EPS15L1: variants seen among roughly 807,000 people sequenced by gnomAD.
The protein encoded by EPS15L1 is epidermal growth factor receptor pathway substrate 15 like 1, also known as epidermal growth factor receptor substrate 15-like 1.
A neutral mutation model predicts 117.1 loss-of-function variants in EPS15L1; 43 were observed. The ratio of observed to expected loss-of-function variants is 0.37; its 90% CI spans 0.29 to 0.47. The LOEUF is 0.47. Among genes scored for constraint, EPS15L1 ranks in the 20% least tolerant of loss-of-function variants. The probability of loss-of-function intolerance (pLI) is 0.99; values close to 1 mark genes in which losing one functional copy is unlikely to be tolerated. For missense variants in EPS15L1, 981 were observed against 1,164.0 expected (o/e 0.84, Z 2.29); for synonymous variants, 459 against 470.5 (o/e 0.98, Z 0.32).
At position 16,377,171 on chromosome 19, in the gene EPS15L1, A is replaced by C. The variant is rs749139966; in HGVS notation, c.2331T>G (p.Pro777=). The change falls in exon 22 of 24, where the codon CCT becomes CCG. Residue 777 remains proline, a synonymous_variant. Coordinates refer to ENST00000455140, the MANE Select transcript of EPS15L1 (RefSeq NM_001258374.3). The stretch of plus-strand genomic sequence containing the variant: ...GAGCAGGTTTCTTCGGAGGCAGAGC[A>C]GGAGTGTCCTGTTTACTTTTAAAGG... ...DDPFKSKQDT[P]ALPPKKPAPP... is the part of the protein sequence containing the mutation. 6.2e-7 allele frequency: 1 copy of C among 1,611,746 alleles called. No homozygotes were observed. The highest frequency in any genetic ancestry group is 1.1e-5 in the South Asian group (1 of 90,686).
At chr19:16,427,964 G>A (rs2092888833) in intron 8 of EPS15L1, among the ~76,000 whole-genome samples, 1 of 151,686 alleles carries the variant, frequency 6.6e-6, no homozygotes, top group African/African-American at 2.4e-5. Context: ...AGCACTTTGG[G>A]AGGCCAAGGC....
rs530299524 is a variant in EPS15L1 at position 16,393,826 on chromosome 19, G to A, written c.1966+125C>T. The stretch of plus-strand genomic sequence containing the variant: ...GAGAATGGGTACAACATGGATGGAC[G>A]GCCGTCCTTCCCAGTTACATGGCTG... On this transcript the variant is annotated intron_variant, in intron 18 of 23. Transcript: ENST00000455140. 1.1e-4 allele frequency: 108 copies of A among 976,094 alleles called. 1 individual carries two copies. The highest frequency in any genetic ancestry group is 3.8e-4 in the Admixed American group (21 of 55,752). The allele number at this position is 976,094 out of a possible 1,614,324, so 60.5% of individuals were successfully genotyped here.
intron 21 of EPS15L1, among the ~76,000 whole-genome samples, chr19:16,379,061 T>C (rs1215695207): frequency 6.6e-6 from 1 of 152,144 alleles, no homozygotes; most frequent in East Asian, 1.9e-4. Context: ...CCCAGCACTT[T>C]GGGAGGCCGA....
intron 9 of EPS15L1, among the ~76,000 whole-genome samples, chr19:16,424,158 T>G (rs1298490605): frequency 1.3e-5 from 2 of 152,204 alleles, no homozygotes; most frequent in African/African-American, 2.4e-5. Context: ...AAACCTGGCA[T>G]GAGGGCAAAA....
intron 10 of EPS15L1, among the ~76,000 whole-genome samples, chr19:16,420,971 C>T (rs2092808120): frequency 6.6e-6 from 1 of 152,258 alleles, no homozygotes; most frequent in South Asian, 2.1e-4. Context: ...GCTGCCCGCA[C>T]CTCCCGGAGG....
chr19:16,366,632 A>G (rs1316353074), intron 22 of EPS15L1, among the ~76,000 whole-genome samples: 1 of 152,206 alleles, frequency 6.6e-6, no homozygotes. Flanking sequence ...TGTTTTCAGA[A>G]GGAACATCAA....
intron 1 of EPS15L1, among the ~76,000 whole-genome samples, chr19:16,456,758 CATG>C (rs1471518992): frequency 6.6e-6 from 1 of 152,120 alleles, no homozygotes; most frequent in African/African-American, 2.4e-5. Context: ...CAGGGGACCG[CATG>C]ATATGACTGC....
chr19:16,415,196 G>A (rs752288809), intron 12 of EPS15L1, among the ~76,000 whole-genome samples: 2 of 152,156 alleles, frequency 1.3e-5, no homozygotes, highest in Admixed American at 1.3e-4. Flanking sequence ...GTGAGGACAC[G>A]GCAAGAAGGT....
intron 21 of EPS15L1, among the ~76,000 whole-genome samples, chr19:16,380,878 G>T (rs1300193696): frequency 6.6e-6 from 1 of 152,224 alleles, no homozygotes; most frequent in African/African-American, 2.4e-5. Context: ...GAGATGCATC[G>T]ATCTGGGCTA....
rs975388849 is a variant in EPS15L1, at chr19:16,383,023, A to G, written c.2247+2106T>C. The G allele has an allele frequency of 2.6e-4, 39 of 152,226 alleles. No individual in the cohort carries two copies. The highest frequency in any genetic ancestry group is 8.9e-4 in the African/African-American group (37 of 41,512). The allele number at this position is 152,226 out of a possible 1,614,324, so 9.4% of individuals were successfully genotyped here. On this transcript the variant is annotated intron_variant, in intron 21 of 23. Transcript: ENST00000455140. The surrounding 1 kb of genome is among the most constrained non-coding windows in gnomAD (Gnocchi z 5.2). Reference sequence around the variant, plus strand: ...CCTTAGCATTTTATTTATATCCACAATGTTGTTCTTGAAAAACAGATAGGT... The same window carrying G: ...CCTTAGCATTTTATTTATATCCACAGTGTTGTTCTTGAAAAACAGATAGGT...
chr19:16,464,088 A>T (rs1355797271), intron 1 of EPS15L1, among the ~76,000 whole-genome samples: 1 of 152,222 alleles, frequency 6.6e-6, no homozygotes, highest in African/African-American at 2.4e-5. Context: ...TGTGCCCAAG[A>T]GGAGGAGAAG....
At chr19:16,397,889 A>C (rs1461532783) in intron 16 of EPS15L1, among the ~76,000 whole-genome samples, 1 of 152,168 alleles carries the variant, frequency 6.6e-6, no homozygotes, top group Non-Finnish European at 1.5e-5. Flanking sequence ...GAAAACATGA[A>C]TGTTTCACTG....
intron 8 of EPS15L1, among the ~76,000 whole-genome samples, chr19:16,426,376 T>C (rs2092872543): frequency 6.6e-6 from 1 of 152,210 alleles, no homozygotes; most frequent in African/African-American, 2.4e-5. Context: ...GGCTCATGCC[T>C]GTAATCTCAG....
At chr19:16,428,508 A>G (rs2047679691) in intron 8 of EPS15L1, among the ~76,000 whole-genome samples, 194 bp downstream of exon 8, 1 of 116,140 alleles carries the variant, frequency 8.6e-6, no homozygotes, top group Non-Finnish European at 1.8e-5. Flanking sequence ...AGGGAGAGAG[A>G]GAGAGAAAGA....
At position 16,374,882 on chromosome 19, in the gene EPS15L1, C is replaced by A. The variant is rs568723098; in HGVS notation, c.2380+2240G>T. 5.3e-4 allele frequency among the ~76,000 whole-genome samples: 81 copies of A among 152,314 alleles called. 2 individuals carry two copies. In the South Asian group the frequency reaches 0.016, roughly 31 times the overall value. ...ACACACGCACGCATATGTGTGTGCACGTTTGCATGCATGCATTATGCAATA... is the reference window on the plus strand; with the variant it reads ...ACACACGCACGCATATGTGTGTGCAAGTTTGCATGCATGCATTATGCAATA... On this transcript the variant is annotated intron_variant, in intron 22 of 23. Coordinates refer to ENST00000455140, the MANE Select transcript of EPS15L1 (RefSeq NM_001258374.3).
intron 9 of EPS15L1, among the ~76,000 whole-genome samples, chr19:16,422,634 C>T (rs1352041851): frequency 6.6e-6 from 1 of 152,112 alleles, no homozygotes; most frequent in East Asian, 1.9e-4. Context: ...CCTGAAACTG[C>T]CACTCAAAGT....
At chr19:16,422,453 C>A (rs2092825896) in intron 9 of EPS15L1, among the ~76,000 whole-genome samples, 1 of 152,086 alleles carries the variant, frequency 6.6e-6, no homozygotes, top group African/African-American at 2.4e-5. Context: ...TCCTTTTAAA[C>A]AATCTCATAA....
intron 1 of EPS15L1, among the ~76,000 whole-genome samples, chr19:16,470,306 G>T (rs1406023905): frequency 6.6e-6 from 1 of 151,942 alleles, no homozygotes; most frequent in Non-Finnish European, 1.5e-5. Flanking sequence ...AGAATCACTT[G>T]AACTCGGGAG....
Position 16,419,740 on chromosome 19 carries a change from T to C in EPS15L1, c.950+1579A>G, listed in dbSNP as rs985181546. 5.9e-5 allele frequency among the ~76,000 whole-genome samples: 9 copies of C among 152,230 alleles called. 1 individual carries two copies. The highest frequency in any genetic ancestry group is 5.2e-4 in the Admixed American group (8 of 15,282). ...GAGAATGAGCAGATCTCAAAGAACA[T>C]TGCTGATAAATGCCTAGTTATCCCC... On this transcript the variant is annotated intron_variant, in intron 10 of 23. Transcript: ENST00000455140.
Sources: allele counts gnomAD v4.1 joint callset (sites outside exome capture counted in the v4.1 genomes callset), GRCh38; gene constraint gnomAD v4.1.1; non-coding constraint Gnocchi (gnomAD v3.1); transcripts MANE v1.5; gene names NCBI Gene and HGNC (gene_info 2026-07-23, HGNC 2026-07-21).